The following NALCN variants were observed in gnomAD, a reference collection of about 807,000 sequenced individuals.
NALCN encodes the protein sodium leak channel, non-selective.
A neutral mutation model predicts 225.3 loss-of-function variants in NALCN; 111 were observed. The observed-to-expected ratio is 0.49, with a 90% CI of 0.42 to 0.58. NALCN has a LOEUF of 0.58. Among genes scored for constraint, NALCN ranks in the 20% least tolerant of loss-of-function variants. The probability of loss-of-function intolerance (pLI) is 0.00; values close to 1 mark genes in which losing one functional copy is unlikely to be tolerated. For missense variants in NALCN, 1,378 were observed against 2,202.4 expected (o/e 0.63, Z 7.49); for synonymous variants, 764 against 769.0 (o/e 0.99, Z 0.11).
At chr13:101,169,692 A>T (rs7326902) in intron 15 of NALCN, among the ~76,000 whole-genome samples, 36,068 of 152,170 alleles carry the variant, frequency 0.24, 5,223 homozygotes, top group Non-Finnish European at 0.33. Flanking sequence ...CAGCAAGGAC[A>T]TTGGTTTAGG....
At chr13:101,060,513 A>ACTT (rs58153707) in intron 41 of NALCN, among the ~76,000 whole-genome samples, 57,731 of 145,060 alleles carry the variant, frequency 0.4, 11,849 homozygotes, top group East Asian at 0.57. Context: ...CTAGTTTCAA[A>ACTT]CTTCTGGTCT....
intron 10 of NALCN, among the ~76,000 whole-genome samples, chr13:101,266,292 G>GTAA (rs59666920): frequency 2.0e-5 from 3 of 151,456 alleles, no homozygotes; most frequent in Non-Finnish European, 4.4e-5. Context: ...GAAATCAGGT[G>GTAA]GAAGAGATTA....
chr13:101,325,917 A>T (rs554857641), intron 7 of NALCN, among the ~76,000 whole-genome samples: 1 of 152,338 alleles, frequency 6.6e-6, no homozygotes, highest in East Asian at 1.9e-4. Flanking sequence ...AGAAGAAAAC[A>T]GTTTAGTTTA....
At chr13:101,124,125 A>T (rs566862811) in intron 18 of NALCN, among the ~76,000 whole-genome samples, 1 of 152,346 alleles carries the variant, frequency 6.6e-6, no homozygotes, top group South Asian at 2.1e-4. Flanking sequence ...ACTTCATTTC[A>T]GCGCATCTTC....
chr13:101,203,318 C>A (rs1413697152), intron 13 of NALCN, among the ~76,000 whole-genome samples: 1 of 152,150 alleles, frequency 6.6e-6, no homozygotes, highest in African/African-American at 2.4e-5. Flanking sequence ...CAGGTTCAAA[C>A]GATTCTCCTG....
At chr13:101,209,131 T>C (rs1351360982) in intron 13 of NALCN, among the ~76,000 whole-genome samples, 1 of 152,190 alleles carries the variant, frequency 6.6e-6, no homozygotes, top group Admixed American at 6.5e-5. Context: ...GAGAATTATA[T>C]TAGATATATG....
At chr13:101,060,449 A>ATTTT (rs55697849) in intron 41 of NALCN, among the ~76,000 whole-genome samples, 86 of 93,702 alleles carry the variant, frequency 9.2e-4, no homozygotes, top group African/African-American at 3.1e-3. Context: ...TGGCTAATTA[A>ATTTT]TTTTTTTTTT....
intron 14 of NALCN, among the ~76,000 whole-genome samples, chr13:101,187,056 C>T (rs1594391779): frequency 6.6e-6 from 1 of 152,222 alleles, no homozygotes; most frequent in Middle Eastern, 3.4e-3. Flanking sequence ...GTAGGCCCCC[C>T]CCTTATCCAC....
intron 35 of NALCN, 77 bp downstream of exon 35, chr13:101,075,796 G>T: frequency 1.6e-6 from 2 of 1,250,586 alleles, no homozygotes; most frequent in Non-Finnish European, 2.3e-6. Context: ...CCGAGGTAAG[G>T]CTGTAATCAA....
At position 101,376,738 on chromosome 13, in the gene NALCN, T is replaced by A; in HGVS notation, c.606A>T (p.Thr202=). Residue 202 remains threonine, a synonymous_variant, in exon 6 of 44, where the codon ACA becomes ACT. Coordinates refer to ENST00000251127, the MANE Select transcript of NALCN (RefSeq NM_052867.4). Reference sequence around the variant, plus strand: ...CATTTACAACACAGTGATAAGTAAATGTTCCAAACATCTGAACTCCTAAAA... The same window carrying A: ...CATTTACAACACAGTGATAAGTAAAAGTTCCAAACATCTGAACTCCTAAAA... ...YGILGVQMFG[T]FTYHCVVNDT... 6.2e-7 allele frequency: 1 copy of A among 1,612,430 alleles called. No homozygotes were observed. Among genetic ancestry groups the A allele is most frequent in the Non-Finnish European group, 8.5e-7 (1 of 1,179,586 alleles).
chr13:101,228,575 T>C (rs2041235376), intron 13 of NALCN, among the ~76,000 whole-genome samples: 1 of 152,186 alleles, frequency 6.6e-6, no homozygotes, highest in Non-Finnish European at 1.5e-5. Flanking sequence ...CTCTCTTGCC[T>C]GCCACCATGT....
At position 101,282,665 on chromosome 13, in the gene NALCN, C is replaced by T. The variant is rs149420647; in HGVS notation, c.1134+1268G>A. ...TAAGTGTTACCCCCCACCCCACACA[C>T]ACAGAGGTAACTACTGAATATATGC... is the stretch of plus-strand genomic sequence containing the variant. On this transcript the variant is annotated intron_variant, in intron 10 of 43. Transcript: ENST00000251127. Among the ~76,000 whole-genome samples, 326 of 152,282 alleles carry T rather than the reference C, an allele frequency of 2.1e-3. 1 individual carries two copies. The highest frequency in any genetic ancestry group is 7.6e-3 in the African/African-American group (314 of 41,540).
intron 1 of NALCN, among the ~76,000 whole-genome samples, chr13:101,410,940 T>A (rs976007984): frequency 6.6e-6 from 1 of 152,210 alleles, no homozygotes; most frequent in Admixed American, 6.5e-5. Flanking sequence ...ATCTTTACCA[T>A]CCACCTCTTC....
At chr13:101,322,757 G>C (rs1343916098) in intron 7 of NALCN, among the ~76,000 whole-genome samples, 1 of 152,008 alleles carries the variant, frequency 6.6e-6, no homozygotes, top group East Asian at 1.9e-4. Context: ...CTGTCGCCCA[G>C]GTTGAAATTT....
At chr13:101,376,654 C>A (rs371947357) in intron 6 of NALCN, 46 bp downstream of exon 6, 58 of 1,553,200 alleles carry the variant, frequency 3.7e-5, no homozygotes, top group Non-Finnish European at 4.8e-5. Flanking sequence ...ACAGAGATAT[C>A]TTTGTTAATC....
At chr13:101,389,685 A>C (rs57060872) in intron 3 of NALCN, among the ~76,000 whole-genome samples, 9 of 152,214 alleles carry the variant, frequency 5.9e-5, no homozygotes, top group Non-Finnish European at 7.3e-5. Flanking sequence ...ACTCTACCCA[A>C]TGTGTGGGAA....
At chr13:101,376,233 C>A (rs1442372495) in intron 6 of NALCN, among the ~76,000 whole-genome samples, 2 of 152,134 alleles carry the variant, frequency 1.3e-5, no homozygotes, top group African/African-American at 4.8e-5. Context: ...ATTATGTTAG[C>A]ACACTCCCCA....
In NALCN at chr13:101,304,325, T is replaced by C. The variant is rs557833180; in HGVS notation, c.800-11959A>G. ...GTGCAGAATGTGCAGGTTTGTTACA[T>C]AGGTATGCATGTGGCATGATGGTTT... On this transcript the variant is annotated intron_variant, in intron 7 of 43. Transcript: ENST00000251127. Among the ~76,000 whole-genome samples the C allele has an allele frequency of 1.1e-4, 17 of 152,326 alleles. No homozygotes were observed. In the South Asian group the frequency reaches 1.5e-3, roughly 13 times the overall value.
At chr13:101,388,433 A>AT (rs1566641956) in intron 3 of NALCN, among the ~76,000 whole-genome samples, 3 of 146,210 alleles carry the variant, frequency 2.1e-5, no homozygotes, top group East Asian at 2.4e-4. Flanking sequence ...TAAAAAAAAA[A>AT]ATTTTGGTTG....
Sources: allele counts gnomAD v4.1 joint callset (sites outside exome capture counted in the v4.1 genomes callset), GRCh38; gene constraint gnomAD v4.1.1; transcripts MANE v1.5; gene names NCBI Gene and HGNC (gene_info 2026-07-23, HGNC 2026-07-21).